Variants in ATF7IP2 observed in about 807,000 individuals in gnomAD.
The protein encoded by ATF7IP2 is activating transcription factor 7 interacting protein 2, also known as activating transcription factor 7-interacting protein 2.
Under a neutral mutation model 64.2 loss-of-function variants are expected in ATF7IP2, and 42 were observed. That is an observed-to-expected ratio of 0.65 (90% confidence interval 0.51 to 0.85). The LOEUF (loss-of-function observed/expected upper bound fraction) is 0.85, where lower values mean the gene tolerates loss of function less well. ATF7IP2 is among the 40% of genes least tolerant of loss of function. ATF7IP2 has a pLI of 0.00. For synonymous variants in ATF7IP2, 308 were observed against 272.8 expected (o/e 1.13, Z -1.27); for missense variants, 933 against 784.2 (o/e 1.19, Z -2.27).
chr16:10,405,742 G>A (rs1356090782), intron 1 of ATF7IP2, among the ~76,000 whole-genome samples: 2 of 152,162 alleles, frequency 1.3e-5, no homozygotes, highest in African/African-American at 4.8e-5. Flanking sequence ...CAGCCTGTAA[G>A]TGGCAGTGGG....
At chr16:10,443,453 G>C (rs565233354) in intron 8 of ATF7IP2, among the ~76,000 whole-genome samples, 1 of 152,312 alleles carries the variant, frequency 6.6e-6, no homozygotes, top group South Asian at 2.1e-4. Flanking sequence ...GGCCATGCAA[G>C]TAGAAAGCGG....
At position 10,473,894 on chromosome 16, in the gene ATF7IP2, C is replaced by CTTTTTTTT. The variant is rs56766112; in HGVS notation, c.1483-21_1483-14dup. On this transcript the variant is annotated intron_variant, in intron 11 of 13. Coordinates refer to ENST00000562102, the MANE Select transcript of ATF7IP2 (RefSeq NM_001393719.1). ...AACATTTTCAGCTATTGAGGCAAAGCTTTTTTTTTTTTTTTACAATTTTTT... is the reference window on the plus strand; with the variant it reads ...AACATTTTCAGCTATTGAGGCAAAGCTTTTTTTTTTTTTTTTTTTTTTTACAATTTTTT... The CTTTTTTTT allele has an allele frequency of 3.5e-3, 3,654 of 1,042,202 alleles. 44 individuals are homozygous for CTTTTTTTT. Among genetic ancestry groups the CTTTTTTTT allele is most frequent in the African/African-American group, 0.011 (553 of 49,096 alleles). 64.6% of individuals were successfully genotyped at this position (1,042,202 alleles called of 1,614,324 possible).
intron 3 of ATF7IP2, among the ~76,000 whole-genome samples, chr16:10,425,536 T>C (rs1402326733): frequency 1.3e-5 from 2 of 152,140 alleles, no homozygotes; most frequent in African/African-American, 4.8e-5. Context: ...TTAAATTCTG[T>C]TGAAAGACAA....
Position 10,482,282 on chromosome 16 carries a change from T to G in ATF7IP2, c.*33T>G, listed in dbSNP as rs1001188498. Reference sequence around the variant, plus strand: ...TTAATAATGATATACTACTTTTTTTTTCATATTTGTTTGTTTGCAATGTTA... The same window carrying G: ...TTAATAATGATATACTACTTTTTTTGTCATATTTGTTTGTTTGCAATGTTA... On this transcript the variant is annotated 3_prime_UTR_variant, in exon 14 of 14. Transcript: ENST00000562102. The G allele has an allele frequency of 6.9e-7, 1 of 1,458,368 alleles. No homozygotes were observed. The highest frequency in any genetic ancestry group is 9.3e-7 in the Non-Finnish European group (1 of 1,076,600). 90.3% of individuals were successfully genotyped at this position (1,458,368 alleles called of 1,614,324 possible).
chr16:10,474,945 G>A (rs754593407), intron 12 of ATF7IP2, among the ~76,000 whole-genome samples: 4 of 152,196 alleles, frequency 2.6e-5, no homozygotes, highest in Non-Finnish European at 4.4e-5. Flanking sequence ...ACTTTGGGAG[G>A]TCAGGGCAGG....
intron 2 of ATF7IP2, among the ~76,000 whole-genome samples, chr16:10,416,261 A>G (rs960397429): frequency 1.3e-5 from 2 of 152,350 alleles, no homozygotes; most frequent in Non-Finnish European, 2.9e-5. Context: ...ATAGAATACT[A>G]TTCAGCCATG....
intron 11 of ATF7IP2, 98 bp downstream of exon 11, chr16:10,473,632 C>A: frequency 1.2e-6 from 1 of 841,926 alleles, no homozygotes; most frequent in Non-Finnish European, 1.9e-6. Context: ...AGTTTTAGTC[C>A]ACGTTACACA....
chr16:10,451,958 A>G (rs1245360861), intron 8 of ATF7IP2, among the ~76,000 whole-genome samples: 1 of 152,082 alleles, frequency 6.6e-6, no homozygotes, highest in Non-Finnish European at 1.5e-5. Context: ...GAGGCTATGC[A>G]GGAGAATCGC....
intron 8 of ATF7IP2, among the ~76,000 whole-genome samples, chr16:10,455,434 G>C (rs1006403026): frequency 6.6e-6 from 1 of 152,204 alleles, no homozygotes; most frequent in Non-Finnish European, 1.5e-5. Flanking sequence ...TTTTAGCTTA[G>C]TAAAACTGAT....
intron 1 of ATF7IP2, among the ~76,000 whole-genome samples, chr16:10,388,747 A>C (rs1191352556): frequency 2.6e-5 from 4 of 152,062 alleles, no homozygotes; most frequent in Admixed American, 1.3e-4. Context: ...GCGGTGGCTC[A>C]CACCTGTAAT....
rs1025173621 is a variant in ATF7IP2, at chr16:10,453,206, G to A, written c.1195-4166G>A. 4.6e-5 allele frequency among the ~76,000 whole-genome samples: 7 copies of A among 152,180 alleles called. No individual in the cohort carries two copies. The East Asian group carries it at 1.4e-3, about 29-fold the overall frequency. ...CCCAGCTTTGTGCTTGAAACCCAGG[G>A]CCGTGGTAGCATAGGCACCGGAGGG... On this transcript the variant is annotated intron_variant, in intron 8 of 13. Coordinates refer to ENST00000562102, the MANE Select transcript of ATF7IP2 (RefSeq NM_001393719.1).
At chr16:10,409,359 G>C (rs574156062) in intron 1 of ATF7IP2, among the ~76,000 whole-genome samples, 8 of 152,260 alleles carry the variant, frequency 5.3e-5, no homozygotes, top group Admixed American at 4.6e-4. Context: ...AGTTGAGTTT[G>C]AGAACAAAGA....
At chr16:10,459,433 G>T (rs1278111347) in intron 9 of ATF7IP2, among the ~76,000 whole-genome samples, 3 of 149,650 alleles carry the variant, frequency 2.0e-5, no homozygotes, top group Admixed American at 6.7e-5. Context: ...ACACCACTGT[G>T]CTCCAGCCTG....
At chr16:10,470,720 C>T (rs867416211) in intron 9 of ATF7IP2, among the ~76,000 whole-genome samples, 1 of 151,836 alleles carries the variant, frequency 6.6e-6, no homozygotes, top group Non-Finnish European at 1.5e-5. Context: ...GAGGTTCAGG[C>T]TTCAGCAAGA....
At chr16:10,460,565 T>TGTGATATGTGATG (rs1231345865) in intron 9 of ATF7IP2, among the ~76,000 whole-genome samples, 3 of 152,140 alleles carry the variant, frequency 2.0e-5, no homozygotes, top group Non-Finnish European at 2.9e-5. Flanking sequence ...TGTATGTATA[T>TGTGATATGTGATG]GTGATATGTG....
At chr16:10,451,464 G>C (rs954147260) in intron 8 of ATF7IP2, among the ~76,000 whole-genome samples, 2 of 152,086 alleles carry the variant, frequency 1.3e-5, no homozygotes, top group Non-Finnish European at 2.9e-5. Context: ...ATCAAACATA[G>C]GTGTGGTCTT....
intron 6 of ATF7IP2, among the ~76,000 whole-genome samples, chr16:10,436,353 C>G (rs768459883): frequency 1.8e-4 from 28 of 151,528 alleles, no homozygotes; most frequent in Non-Finnish European, 2.9e-4. Context: ...CAGAGCGAGA[C>G]TCTGTCCCAA....
chr16:10,438,066 C>A lies in ATF7IP2; in HGVS notation c.961-35C>A, dbSNP rs199877506. 813 of 1,472,550 alleles carry A rather than the reference C, an allele frequency of 5.5e-4. 2 individuals are homozygous for A. The highest frequency in any genetic ancestry group is 7.5e-4 in the Middle Eastern group (4 of 5,310). The allele number at this position is 1,472,550 out of a possible 1,614,324, so 91.2% of individuals were successfully genotyped here. On this transcript the variant is annotated intron_variant, in intron 6 of 13. Coordinates refer to ENST00000562102, the MANE Select transcript of ATF7IP2 (RefSeq NM_001393719.1). ...AGTAAAATTGCTTTTAAATTTGAAA[C>A]GTAGGGTGTTTTGGTTTTTATTTTA...
chr16:10,443,499 G>A lies in ATF7IP2; in HGVS notation c.1194+3037G>A, dbSNP rs1470357362. On this transcript the variant is annotated intron_variant, in intron 8 of 13. Coordinates refer to ENST00000562102, the MANE Select transcript of ATF7IP2 (RefSeq NM_001393719.1). ...CCTCTGGCCTACCGTGTGCACAAGC[G>A]TAACAACTGCTTTTGTTGAGAGTGC... is the stretch of plus-strand genomic sequence containing the variant. 6.6e-5 allele frequency among the ~76,000 whole-genome samples: 10 copies of A among 152,328 alleles called. 1 individual carries two copies. Among genetic ancestry groups the A allele is most frequent in the East Asian group, 1.9e-4 (1 of 5,190 alleles).
Sources: allele counts gnomAD v4.1 joint callset (sites outside exome capture counted in the v4.1 genomes callset), GRCh38; gene constraint gnomAD v4.1.1; transcripts MANE v1.5; gene names NCBI Gene and HGNC (gene_info 2026-07-23, HGNC 2026-07-21).